WSCD1: variants seen among roughly 807,000 people sequenced by gnomAD.
WSCD1 encodes sialate:O-sulfotransferase 1.
A neutral mutation model predicts 60.4 loss-of-function variants in WSCD1; 41 were observed. That is an observed-to-expected ratio of 0.68 (90% CI 0.53 to 0.88). WSCD1 has a LOEUF of 0.88. WSCD1 is among the 40% of genes least tolerant of loss of function. WSCD1 has a pLI of 0.00. For missense variants in WSCD1, 784 were observed against 796.2 expected, an observed-to-expected ratio of 0.98 and a Z score of 0.18; for synonymous variants, 361 against 332.5, an observed-to-expected ratio of 1.09 and a Z score of -0.93.
intron 5 of WSCD1, among the ~76,000 whole-genome samples, chr17:6,106,790 G>T (rs1911110341): frequency 6.6e-6 from 1 of 152,160 alleles, no homozygotes; most frequent in Admixed American, 6.5e-5. Flanking sequence ...AAAGGGGGTG[G>T]CCAGGGAAGG....
At chr17:6,109,545 C>A (rs1911283456) in intron 5 of WSCD1, 62 bp from the exon 6 acceptor site, 2 of 1,579,416 alleles carry the variant, frequency 1.3e-6, no homozygotes, top group Admixed American at 3.4e-5. Flanking sequence ...CATTCCTGAG[C>A]CCTGGGAAGC....
Position 6,091,167 on chromosome 17 carries a change from T to C in WSCD1, c.727+662T>C, listed in dbSNP as rs375694896. On this transcript the variant is annotated intron_variant, in intron 4 of 8. Transcript: ENST00000317744. The stretch of plus-strand genomic sequence containing the variant: ...TCTCGGCCTCCCAGAGTGCTGGGAT[T>C]ACAGGCGTGAGCCACGCACCCATCC... Among the ~76,000 whole-genome samples, 20 of 152,344 alleles carry C rather than the reference T, an allele frequency of 1.3e-4. 1 individual carries two copies. The highest frequency in any genetic ancestry group is 4.8e-4 in the African/African-American group (20 of 41,590).
chr17:6,096,976 A>G (rs948094973), intron 5 of WSCD1, among the ~76,000 whole-genome samples: 2 of 152,204 alleles, frequency 1.3e-5, no homozygotes, highest in African/African-American at 2.4e-5. Flanking sequence ...GTAGCTCCCA[A>G]TGGGGGATAC....
chr17:6,085,597 C>T (rs1236774266), intron 2 of WSCD1, among the ~76,000 whole-genome samples: 2 of 152,186 alleles, frequency 1.3e-5, no homozygotes, highest in Non-Finnish European at 2.9e-5. Context: ...GAAGCATGTA[C>T]AGCCTGGGAA....
chr17:6,072,385 G>A (rs551017037), intron 1 of WSCD1, among the ~76,000 whole-genome samples: 2 of 152,204 alleles, frequency 1.3e-5, no homozygotes, highest in South Asian at 4.1e-4. Context: ...CTGAGCAGGC[G>A]ACTCAGAGCC....
At chr17:6,109,577 T>C (rs1318044716) in intron 5 of WSCD1, 30 bp from the exon 6 acceptor site, 1 of 1,607,184 alleles carries the variant, frequency 6.2e-7, no homozygotes, top group Non-Finnish European at 8.5e-7. Flanking sequence ...ATTCACTCAG[T>C]GTGCTTCTCT....
chr17:6,074,964 T>C (rs1908756629), intron 1 of WSCD1, among the ~76,000 whole-genome samples: 1 of 151,982 alleles, frequency 6.6e-6, no homozygotes, highest in Non-Finnish European at 1.5e-5. Context: ...AAGGGGAAAG[T>C]CACAGGAGGG....
In WSCD1 at chr17:6,120,811, T is replaced by G; in HGVS notation, c.*150T>G. The G allele has an allele frequency of 1.3e-6, 1 of 773,554 alleles. No individual in the cohort carries two copies. Among genetic ancestry groups the G allele is most frequent in the Admixed American group, 2.9e-5 (1 of 34,504 alleles). The allele number at this position is 773,554 out of a possible 1,614,324, so 47.9% of individuals were successfully genotyped here. On this transcript the variant is annotated 3_prime_UTR_variant, in exon 9 of 9. Transcript: ENST00000317744. Reference sequence around the variant, plus strand: ...GTGCTGCCTCCCGCACAAGGAGACCTGGACACAACAGACACACATCACAAG... The same window carrying G: ...GTGCTGCCTCCCGCACAAGGAGACCGGGACACAACAGACACACATCACAAG...
intron 2 of WSCD1, among the ~76,000 whole-genome samples, chr17:6,082,586 G>T (rs769965143): frequency 4.1e-4 from 63 of 152,194 alleles, no homozygotes; most frequent in Non-Finnish European, 5.6e-4. Context: ...TGGTGCTTGG[G>T]GAGCTCCCAG....
chr17:6,095,190 C>A lies in WSCD1; in HGVS notation c.816C>A (p.Thr272=), dbSNP rs753995970. The A allele has an allele frequency of 3.7e-6, 6 of 1,613,588 alleles. No homozygotes were observed. In the East Asian group the frequency reaches 1.3e-4, roughly 36 times the overall value. ...GCTCCCTGATACAGGCCAATGTGAC[C>A]GTGGGGACTTGCTCGGGCTTTTGTT... The part of the protein sequence containing the change: ...FPSSLIQANV[T]VGTCSGFCSQ... The change falls in exon 5 of 9, where the codon ACC becomes ACA. Residue 272 remains threonine, a synonymous_variant. Transcript: ENST00000317744.
At chr17:6,090,049 C>T (rs1205992738) in intron 3 of WSCD1, among the ~76,000 whole-genome samples, 2 of 152,152 alleles carry the variant, frequency 1.3e-5, no homozygotes, top group Non-Finnish European at 2.9e-5. Context: ...ATCCTCTCCA[C>T]AGTCTGCCAG....
intron 5 of WSCD1, among the ~76,000 whole-genome samples, chr17:6,096,872 C>T (rs866330628): frequency 6.6e-6 from 1 of 152,234 alleles, no homozygotes; most frequent in Admixed American, 6.5e-5. Flanking sequence ...TGGAGGCAGG[C>T]CTGCCTTGAG....
chr17:6,109,801 G>T, intron 6 of WSCD1, 35 bp downstream of exon 6: 3 of 1,597,194 alleles, frequency 1.9e-6, no homozygotes, highest in Non-Finnish European at 2.6e-6. Context: ...AGTGGCATTT[G>T]GTCTGGGGGG....
chr17:6,085,426 A>G (rs1555526986), intron 2 of WSCD1, among the ~76,000 whole-genome samples: 2 of 152,154 alleles, frequency 1.3e-5, no homozygotes, highest in Non-Finnish European at 2.9e-5. Flanking sequence ...TACATGTGTT[A>G]CCTTATGGAA....
At chr17:6,091,895 G>A (rs776452164) in intron 4 of WSCD1, among the ~76,000 whole-genome samples, 1 of 152,190 alleles carries the variant, frequency 6.6e-6, no homozygotes, top group Non-Finnish European at 1.5e-5. Flanking sequence ...GGTGGCTCAC[G>A]CCTGTAATCC....
At chr17:6,077,339 G>A (rs1358906824) in intron 1 of WSCD1, among the ~76,000 whole-genome samples, 4 of 151,418 alleles carry the variant, frequency 2.6e-5, no homozygotes, top group Non-Finnish European at 4.4e-5. Context: ...CACCCGCCTC[G>A]GCCTCCCAAG....
At chr17:6,097,016 G>C (rs890819191) in intron 5 of WSCD1, among the ~76,000 whole-genome samples, 2 of 152,234 alleles carry the variant, frequency 1.3e-5, no homozygotes, top group South Asian at 4.1e-4. Flanking sequence ...GAGAGGCTGG[G>C]CAGGTGTGCA....
intron 7 of WSCD1, among the ~76,000 whole-genome samples, chr17:6,114,875 T>C (rs563179022): frequency 2.0e-5 from 3 of 151,892 alleles, no homozygotes; most frequent in Admixed American, 6.6e-5. Flanking sequence ...CTGTGTGTGA[T>C]ATTCCCCTCC....
chr17:6,107,670 G>A (rs943532484), intron 5 of WSCD1, among the ~76,000 whole-genome samples: 13 of 152,146 alleles, frequency 8.5e-5, no homozygotes, highest in African/African-American at 2.2e-4. Flanking sequence ...GTGGACATCC[G>A]GGCTGCTTGT....
Sources: gnomAD v4.1 joint callset for allele counts (sites outside exome capture counted in the v4.1 genomes callset) on GRCh38, gnomAD v4.1.1 for gene constraint, MANE v1.5 for transcripts, NCBI Gene and HGNC (gene_info 2026-07-23, HGNC 2026-07-21) for gene names.